KCNAB1: variants seen among roughly 807,000 people sequenced by gnomAD.
KCNAB1 encodes the protein potassium voltage-gated channel subfamily A regulatory beta subunit 1, also known as voltage-gated potassium channel subunit beta-1.
KCNAB1 carries 35 observed loss-of-function variants against 64.6 expected under a neutral mutation model. The ratio of observed to expected loss-of-function variants is 0.54; its 90% CI spans 0.41 to 0.72. The LOEUF is 0.72. KCNAB1 is among the 30% of genes least tolerant of loss of function. The pLI is 0.00. For missense variants in KCNAB1, 401 were observed against 512.9 expected, an observed-to-expected ratio of 0.78 and a Z score of 2.11; for synonymous variants, 177 against 183.8, an observed-to-expected ratio of 0.96 and a Z score of 0.30.
chr3:156,169,829 C>G (rs1293774294), intron 1 of KCNAB1, among the ~76,000 whole-genome samples: 1 of 152,226 alleles, frequency 6.6e-6, no homozygotes, highest in East Asian at 1.9e-4. Context: ...CCTCCCCAGC[C>G]ATGCAGAACT....
At chr3:156,426,912 C>A (rs1330654998) in intron 2 of KCNAB1, among the ~76,000 whole-genome samples, 5 of 152,238 alleles carry the variant, frequency 3.3e-5, no homozygotes, top group African/African-American at 1.2e-4. Flanking sequence ...CCATTGAAAA[C>A]CTTGGGTCAG....
intron 1 of KCNAB1, among the ~76,000 whole-genome samples, chr3:156,168,635 A>G (rs1246072059): frequency 2.6e-5 from 4 of 152,216 alleles, no homozygotes; most frequent in Non-Finnish European, 5.9e-5. Context: ...ATACATCAAA[A>G]TGTACTGAAT....
At position 156,120,869 on chromosome 3, in the gene KCNAB1, C is replaced by A. The variant is rs751017939; in HGVS notation, c.258C>A (p.Thr86=). ...CCAGCGAGCACACCACCGTCTGCAC[C>A]ACAGGCATGCCGCACAGGTAAGCTG... ...DLSSEHTTVC[T]TGMPHRNLGK... is the part of the protein sequence containing the mutation. The change falls in exon 1 of 14, where the codon ACC becomes ACA. Residue 86 remains threonine (T), a synonymous_variant. Transcript: ENST00000490337. 6.2e-7 allele frequency: 1 copy of A among 1,614,072 alleles called. No individual in the cohort carries two copies. Among genetic ancestry groups the A allele is most frequent in the South Asian group, 1.1e-5 (1 of 91,082 alleles).
chr3:156,224,697 G>A (rs1279983955), intron 1 of KCNAB1, among the ~76,000 whole-genome samples: 1 of 152,148 alleles, frequency 6.6e-6, no homozygotes, highest in Non-Finnish European at 1.5e-5. Flanking sequence ...TAACCGAGAA[G>A]AGAGAAGATC....
chr3:156,316,572 A>G (rs1467636603), intron 1 of KCNAB1, among the ~76,000 whole-genome samples: 3 of 152,212 alleles, frequency 2.0e-5, no homozygotes, highest in Non-Finnish European at 4.4e-5. Context: ...TTAATAAGGG[A>G]TAAAAGTGTA....
chr3:156,216,030 G>C (rs1715298000), intron 1 of KCNAB1, among the ~76,000 whole-genome samples: 1 of 152,102 alleles, frequency 6.6e-6, no homozygotes, highest in African/African-American at 2.4e-5. Flanking sequence ...ATTTTGCTTT[G>C]CTTCTGGAAA....
intron 1 of KCNAB1, chr3:156,291,704 G>A: frequency 4.2e-6 from 6 of 1,424,286 alleles, no homozygotes; most frequent in East Asian, 2.6e-5. Context: ...GGTCCCCGGG[G>A]ACTCTTTCCT....
chr3:156,351,044 G>A (rs1452853579), intron 1 of KCNAB1, among the ~76,000 whole-genome samples: 2 of 152,224 alleles, frequency 1.3e-5, no homozygotes, highest in African/African-American at 2.4e-5. Context: ...AAGATAGTGC[G>A]GTGGGAGAAC....
intron 1 of KCNAB1, chr3:156,291,771 C>T (rs1720443382): frequency 1.3e-6 from 2 of 1,487,966 alleles, no homozygotes; most frequent in Non-Finnish European, 1.8e-6. Flanking sequence ...GCCGCCAGGA[C>T]TCCTCTGACG....
intron 2 of KCNAB1, among the ~76,000 whole-genome samples, chr3:156,449,964 T>C (rs1711872274): frequency 6.6e-6 from 1 of 152,298 alleles, no homozygotes; most frequent in East Asian, 1.9e-4. Flanking sequence ...GTGATGACAT[T>C]AACAGTTAAA....
At chr3:156,518,502 T>G (rs931568495) in intron 11 of KCNAB1, among the ~76,000 whole-genome samples, 13 of 139,926 alleles carry the variant, frequency 9.3e-5, no homozygotes, top group Non-Finnish European at 1.9e-4. Context: ...GAAGGAAGGT[T>G]AATTAAATTA....
chr3:156,208,069 A>T (rs935919649), intron 1 of KCNAB1, among the ~76,000 whole-genome samples: 1 of 152,108 alleles, frequency 6.6e-6, no homozygotes, highest in Non-Finnish European at 1.5e-5. Context: ...AGAATACATG[A>T]TATATTTTTT....
At chr3:156,463,829 A>T (rs1713131635) in intron 6 of KCNAB1, 83 bp downstream of exon 6, 1 of 1,077,944 alleles carries the variant, frequency 9.3e-7, no homozygotes, top group Non-Finnish European at 1.4e-6. Context: ...CATATAACGT[A>T]CCAAAATTAA....
intron 12 of KCNAB1, 106 bp from the exon 13 acceptor site, chr3:156,531,303 G>T: frequency 1.2e-6 from 1 of 834,960 alleles, no homozygotes; most frequent in South Asian, 1.4e-5. Context: ...TCCACAAAAA[G>T]AAGTTAATAA....
At chr3:156,468,059 A>G (rs1713557253) in intron 7 of KCNAB1, among the ~76,000 whole-genome samples, 1 of 152,008 alleles carries the variant, frequency 6.6e-6, no homozygotes, top group South Asian at 2.1e-4. Context: ...TTGCTTGGTC[A>G]TATGTATTGC....
chr3:156,177,835 G>A (rs1268258006), intron 1 of KCNAB1, among the ~76,000 whole-genome samples: 1 of 151,718 alleles, frequency 6.6e-6, no homozygotes, highest in Admixed American at 6.6e-5. Context: ...CCGCCTGCCG[G>A]GTTCAAACGA....
At chr3:156,233,706 G>A (rs970718401) in intron 1 of KCNAB1, among the ~76,000 whole-genome samples, 1 of 152,090 alleles carries the variant, frequency 6.6e-6, no homozygotes, top group Admixed American at 6.5e-5. Context: ...GGCAGGGGAA[G>A]TATAGTGGAG....
At chr3:156,370,933 A>G (rs780250717) in intron 1 of KCNAB1, among the ~76,000 whole-genome samples, 5 of 152,188 alleles carry the variant, frequency 3.3e-5, no homozygotes, top group Non-Finnish European at 5.9e-5. Flanking sequence ...TGCAGTTCAT[A>G]TAGCCTTCTC....
intron 2 of KCNAB1, among the ~76,000 whole-genome samples, chr3:156,444,846 G>A (rs115196710): frequency 0.012 from 1,814 of 152,254 alleles, 38 homozygotes; most frequent in African/African-American, 0.042. Flanking sequence ...ACACCATCCC[G>A]TGATTGCCAG....
Sources: allele counts gnomAD v4.1 joint callset (sites outside exome capture counted in the v4.1 genomes callset), GRCh38; gene constraint gnomAD v4.1.1; transcripts MANE v1.5; gene names NCBI Gene and HGNC (gene_info 2026-07-23, HGNC 2026-07-21).